The following EPB41 variants were observed in gnomAD, a reference collection of about 807,000 sequenced individuals.
The protein encoded by EPB41 is erythrocyte membrane protein band 4.1, also known as protein 4.1.
In EPB41, 65 loss-of-function variants were observed where a neutral mutation model predicts 108.0. The ratio of observed to expected loss-of-function variants is 0.60; its 90% confidence interval spans 0.49 to 0.74. The LOEUF is 0.74. Ranked by LOEUF, EPB41 falls within the 30% of genes least tolerant of loss-of-function variation. EPB41 has a pLI of 0.00. For synonymous variants in EPB41, 336 were observed against 358.9 expected (o/e 0.94, Z 0.72); for missense variants, 875 against 1,037.0 (o/e 0.84, Z 2.15).
At chr1:29,068,686 G>C (rs752013360) in intron 16 of EPB41, 19 of 1,153,354 alleles carry the variant, frequency 1.6e-5, no homozygotes, top group Non-Finnish European at 2.1e-5. Flanking sequence ...CGGTATTGTT[G>C]TTGCATTGCA....
At chr1:28,927,018 C>T (rs537429482) in intron 1 of EPB41, among the ~76,000 whole-genome samples, 52 of 152,210 alleles carry the variant, frequency 3.4e-4, no homozygotes, top group Non-Finnish European at 6.5e-4. Flanking sequence ...GGGTAGAACA[C>T]AGTCATGTGG....
rs998652300 is a variant in EPB41, at chr1:29,039,255, T to C, written c.1465T>C (p.Leu489=). 6.2e-7 allele frequency: 1 copy of C among 1,613,950 alleles called. No individual in the cohort carries two copies. Among genetic ancestry groups the C allele is most frequent in the East Asian group, 2.2e-5 (1 of 44,880 alleles). The change falls in exon 11 of 21, where the codon TTG becomes CTG. Residue 489 remains leucine (L), a splice_region_variant and synonymous_variant. Coordinates refer to ENST00000343067, the MANE Select transcript of EPB41 (RefSeq NM_001376013.1). The stretch of plus-strand genomic sequence containing the variant: ...TGACTATTACGATTTTCCCCCCAGA[T>C]TGACATCTACAGACACCATTCCCAA... ...VCVEHHTFFR[L]TSTDTIPKSK... is the part of the protein sequence containing the mutation.
chr1:28,910,268 T>G (rs973628285), upstream of EPB41, among the ~76,000 whole-genome samples: 2 of 152,216 alleles, frequency 1.3e-5, no homozygotes, highest in African/African-American at 4.8e-5. Context: ...ACTGTATGAA[T>G]GGTAATTCCC....
At chr1:29,095,048 G>C (rs1322799899) in intron 16 of EPB41, among the ~76,000 whole-genome samples, 1 of 152,170 alleles carries the variant, frequency 6.6e-6, no homozygotes, top group African/African-American at 2.4e-5. Context: ...AAAAAAGTCT[G>C]TACATGTTCA....
chr1:29,003,027 C>G (rs1314286520), intron 4 of EPB41, among the ~76,000 whole-genome samples: 1 of 152,198 alleles, frequency 6.6e-6, no homozygotes, highest in Non-Finnish European at 1.5e-5. Context: ...ATGAGTGACT[C>G]CATTTTTGTT....
chr1:28,924,688 A>G (rs193238514), intron 1 of EPB41, among the ~76,000 whole-genome samples: 1 of 152,378 alleles, frequency 6.6e-6, no homozygotes, highest in Non-Finnish European at 1.5e-5. Flanking sequence ...TAAAACATCT[A>G]CCACTTATTC....
chr1:28,980,921 C>T (rs979974899), intron 1 of EPB41, among the ~76,000 whole-genome samples: 20 of 151,706 alleles, frequency 1.3e-4, no homozygotes, highest in Non-Finnish European at 1.8e-4. Context: ...TACAGACGTC[C>T]GCCACCAGGC....
At chr1:28,993,799 G>A (rs1462868705) in intron 3 of EPB41, among the ~76,000 whole-genome samples, 2 of 151,702 alleles carry the variant, frequency 1.3e-5, no homozygotes, top group African/African-American at 2.4e-5. Context: ...TGGGATTACA[G>A]CCATGTGCCA....
chr1:28,993,718 A>G (rs984701716), intron 3 of EPB41, among the ~76,000 whole-genome samples, 176 bp downstream of exon 3: 2 of 142,190 alleles, frequency 1.4e-5, no homozygotes, highest in Admixed American at 1.5e-4. Context: ...GTGCAGTGGC[A>G]TGATCTTGGC....
rs1361009519 is a variant in EPB41 at position 29,025,301 on chromosome 1, C to G, written c.1125-5099C>G. Among the ~76,000 whole-genome samples, 5 of 152,070 alleles carry G rather than the reference C, an allele frequency of 3.3e-5. No homozygotes were observed. The South Asian group carries it at 1.0e-3, about 32-fold the overall frequency. On this transcript the variant is annotated intron_variant, in intron 7 of 20. Coordinates refer to ENST00000343067, the MANE Select transcript of EPB41 (RefSeq NM_001376013.1). ...GGAGTCACATAACACTGGAACACAC[C>G]GAATAGCTCTATCCTGATTGCACTT...
intron 1 of EPB41, among the ~76,000 whole-genome samples, chr1:28,980,866 G>A (rs1030334370): frequency 2.1e-5 from 3 of 142,496 alleles, no homozygotes; most frequent in Middle Eastern, 3.5e-3. Flanking sequence ...GTGCAATCTC[G>A]GCTCACTGCA....
At chr1:28,952,266 G>A (rs2094762270) in intron 1 of EPB41, among the ~76,000 whole-genome samples, 1 of 151,008 alleles carries the variant, frequency 6.6e-6, no homozygotes. Context: ...GGTGGCTCAC[G>A]CCTGTAATCC....
intron 4 of EPB41, among the ~76,000 whole-genome samples, chr1:28,997,650 C>T (rs1156602015): frequency 1.3e-5 from 2 of 151,880 alleles, no homozygotes; most frequent in African/African-American, 2.4e-5. Context: ...GTATCTAATG[C>T]ATAGGTTTAT....
Position 29,030,391 on chromosome 1 carries a change from C to G in EPB41, c.1125-9C>G. On this transcript the variant is annotated splice_polypyrimidine_tract_variant and intron_variant, in intron 7 of 20. Coordinates refer to ENST00000343067, the MANE Select transcript of EPB41 (RefSeq NM_001376013.1). The stretch of plus-strand genomic sequence containing the variant: ...ACTGAAAGAATTTTATGTTTTTATT[C>G]TATCAAAGGTCCATGACTCCAGCTC... The G allele has an allele frequency of 6.2e-7, 1 of 1,611,258 alleles. No homozygotes were observed. The highest frequency in any genetic ancestry group is 8.5e-7 in the Non-Finnish European group (1 of 1,177,480).
At chr1:28,945,700 T>C (rs1273122134) in intron 1 of EPB41, among the ~76,000 whole-genome samples, 1 of 152,224 alleles carries the variant, frequency 6.6e-6, no homozygotes, top group Non-Finnish European at 1.5e-5. Flanking sequence ...ATTGTGAGGC[T>C]AACGTCAGAA....
intron 16 of EPB41, among the ~76,000 whole-genome samples, chr1:29,077,260 T>C (rs1181433026): frequency 6.6e-6 from 1 of 152,118 alleles, no homozygotes; most frequent in Non-Finnish European, 1.5e-5. Flanking sequence ...TAATGTCTTG[T>C]AACTTGGTTC....
chr1:28,925,185 G>T (rs1031500939), intron 1 of EPB41, among the ~76,000 whole-genome samples: 1 of 151,990 alleles, frequency 6.6e-6, no homozygotes, highest in African/African-American at 2.4e-5. Flanking sequence ...GGCTGGTCCC[G>T]AACTCCTGAC....
intron 18 of EPB41, among the ~76,000 whole-genome samples, chr1:29,110,098 G>C (rs914825287): frequency 2.6e-5 from 4 of 151,866 alleles, no homozygotes; most frequent in Non-Finnish European, 5.9e-5. Context: ...TACTTTGGGA[G>C]GCTGAGACAG....
chr1:29,080,233 C>T (rs554379871), intron 16 of EPB41, among the ~76,000 whole-genome samples: 1 of 151,780 alleles, frequency 6.6e-6, no homozygotes, highest in East Asian at 1.9e-4. Flanking sequence ...ATTCTCCTGC[C>T]TCAGTCTCCC....
Sources: allele counts gnomAD v4.1 joint callset (sites outside exome capture counted in the v4.1 genomes callset), GRCh38; gene constraint gnomAD v4.1.1; transcripts MANE v1.5; gene names NCBI Gene and HGNC (gene_info 2026-07-23, HGNC 2026-07-21).